SGCD: variants seen among roughly 807,000 people sequenced by gnomAD.
SGCD encodes the protein sarcoglycan delta.
A neutral mutation model predicts 36.6 loss-of-function variants in SGCD; 18 were observed. The observed-to-expected ratio is 0.49, with a 90% confidence interval of 0.34 to 0.73. SGCD has a LOEUF of 0.73. Ranked by LOEUF, SGCD falls within the 30% of genes least tolerant of loss-of-function variation. SGCD has a pLI of 0.01. For missense variants in SGCD, 387 were observed against 346.7 expected, an observed-to-expected ratio of 1.12 and a Z score of -0.92; for synonymous variants, 133 against 130.6, an observed-to-expected ratio of 1.02 and a Z score of -0.12.
chr5:156,179,623 T>TA (rs1205117579), intron 3 of SGCD, among the ~76,000 whole-genome samples: 86 of 149,626 alleles, frequency 5.7e-4, no homozygotes, highest in African/African-American at 2.0e-3. Flanking sequence ...TTTCCAACTT[T>TA]TTTTTTTTTT....
At chr5:156,445,346 G>C (rs941031319) in intron 3 of SGCD, among the ~76,000 whole-genome samples, 4 of 152,066 alleles carry the variant, frequency 2.6e-5, no homozygotes, top group African/African-American at 4.8e-5. Context: ...CCTCCTATCT[G>C]CCTGGTAAAA....
intron 1 of SGCD, among the ~76,000 whole-genome samples, chr5:155,948,004 C>T (rs972817866): frequency 7.2e-5 from 11 of 152,122 alleles, no homozygotes; most frequent in South Asian, 2.1e-4. Flanking sequence ...TAGCCTGGCA[C>T]GGTGGCTCAC....
At chr5:156,616,573 C>T (rs920629333) in intron 6 of SGCD, among the ~76,000 whole-genome samples, 1 of 152,134 alleles carries the variant, frequency 6.6e-6, no homozygotes, top group African/African-American at 2.4e-5. Context: ...TTGTCTCTCC[C>T]TTGCTTGCTG....
intron 3 of SGCD, among the ~76,000 whole-genome samples, chr5:156,404,243 C>T (rs1772299359): frequency 6.6e-6 from 1 of 152,172 alleles, no homozygotes; most frequent in Non-Finnish European, 1.5e-5. Flanking sequence ...TATATAATGT[C>T]ATCTTCATAG....
At chr5:156,507,826 C>A (rs1169655442) in intron 3 of SGCD, among the ~76,000 whole-genome samples, 1 of 152,056 alleles carries the variant, frequency 6.6e-6, no homozygotes, top group East Asian at 1.9e-4. Context: ...ATGTAGCAAA[C>A]AATTGCTGTA....
intron 1 of SGCD, among the ~76,000 whole-genome samples, chr5:156,058,042 G>A (rs1760104420): frequency 6.8e-6 from 1 of 146,092 alleles, no homozygotes; most frequent in African/African-American, 2.5e-5. Context: ...AATACATAAT[G>A]AAATAATCTA....
At chr5:155,845,811 A>T in the SGCD span, among the ~76,000 whole-genome samples, 45 of 152,156 alleles carry the variant, frequency 3.0e-4, no homozygotes, top group Non-Finnish European at 5.9e-5. Context: ...CCTGTTTTTT[A>T]TGCCAACCTA....
chr5:155,756,504 G>A, the SGCD span, among the ~76,000 whole-genome samples: 1 of 152,094 alleles, frequency 6.6e-6, no homozygotes, highest in Non-Finnish European at 1.5e-5. Context: ...GACCTTCTGT[G>A]AATATCACAC....
intron 3 of SGCD, among the ~76,000 whole-genome samples, chr5:156,269,854 C>T (rs1359528611): frequency 6.6e-6 from 1 of 152,150 alleles, no homozygotes; most frequent in Non-Finnish European, 1.5e-5. Context: ...GATTGTTTTG[C>T]TGTTCAGAAA....
At chr5:156,751,756 A>T (rs1263032695) in intron 7 of SGCD, among the ~76,000 whole-genome samples, 1 of 152,246 alleles carries the variant, frequency 6.6e-6, no homozygotes, top group Non-Finnish European at 1.5e-5. Flanking sequence ...ATCCCATTTC[A>T]CAGTCATTTC....
intron 7 of SGCD, among the ~76,000 whole-genome samples, chr5:156,662,031 G>A (rs1349177544): frequency 1.2e-4 from 17 of 138,938 alleles, no homozygotes; most frequent in East Asian, 6.2e-4. Flanking sequence ...ATTTATTTGC[G>A]CTGACTGAAT....
chr5:156,467,779 A>T (rs1754779052), intron 3 of SGCD, among the ~76,000 whole-genome samples: 1 of 152,238 alleles, frequency 6.6e-6, no homozygotes. Context: ...AGAAGTGGGC[A>T]TGAGCCCATA....
intron 3 of SGCD, among the ~76,000 whole-genome samples, chr5:156,258,371 A>G (rs1318641934): frequency 6.6e-6 from 1 of 152,238 alleles, no homozygotes; most frequent in African/African-American, 2.4e-5. Flanking sequence ...TTACAAAATC[A>G]TATATGGGGT....
intron 6 of SGCD, among the ~76,000 whole-genome samples, chr5:156,630,171 T>C (rs1293900341): frequency 6.6e-6 from 1 of 152,146 alleles, no homozygotes; most frequent in East Asian, 1.9e-4. Context: ...CCCTAAGACC[T>C]TTTCATCATT....
chr5:155,949,662 A>G (rs949612993), intron 1 of SGCD, among the ~76,000 whole-genome samples: 2 of 152,210 alleles, frequency 1.3e-5, no homozygotes, highest in African/African-American at 2.4e-5. Context: ...CATGAAATTC[A>G]TATTTCAGTG....
the SGCD span, among the ~76,000 whole-genome samples, chr5:155,842,399 C>T: frequency 6.6e-6 from 1 of 151,836 alleles, no homozygotes; most frequent in Non-Finnish European, 1.5e-5. Flanking sequence ...ATGGTGAAAC[C>T]CTGTCTCTAC....
At chr5:155,968,279 T>C (rs1757940329) in intron 1 of SGCD, among the ~76,000 whole-genome samples, 1 of 152,100 alleles carries the variant, frequency 6.6e-6, no homozygotes, top group African/African-American at 2.4e-5. Context: ...AATTAGGAAA[T>C]TTGCTGAAGT....
chr5:156,021,325 A>G (rs1304678781), intron 1 of SGCD, among the ~76,000 whole-genome samples: 1 of 152,144 alleles, frequency 6.6e-6, no homozygotes, highest in Admixed American at 6.6e-5. Flanking sequence ...AGCTGGAGGA[A>G]CAAGATAAGA....
chr5:155,828,716 T>C, the SGCD span, among the ~76,000 whole-genome samples: 2 of 152,076 alleles, frequency 1.3e-5, no homozygotes, highest in Admixed American at 6.5e-5. Context: ...AGACAGAGTC[T>C]TGCTCTGTTG....
Sources: allele counts gnomAD v4.1 joint callset (sites outside exome capture counted in the v4.1 genomes callset), GRCh38; gene constraint gnomAD v4.1.1; transcripts MANE v1.5; gene names NCBI Gene and HGNC (gene_info 2026-07-23, HGNC 2026-07-21).